Variants in CACNA2D3 observed in about 807,000 individuals in gnomAD.
CACNA2D3 encodes the protein voltage-dependent calcium channel subunit alpha-2/delta-3.
In CACNA2D3, 60 loss-of-function variants were observed where a neutral mutation model predicts 160.6. The ratio of observed to expected loss-of-function variants is 0.37; its 90% CI spans 0.30 to 0.46. The LOEUF is 0.46. Among genes scored for constraint, CACNA2D3 ranks in the 20% least tolerant of loss-of-function variants. The probability of loss-of-function intolerance (pLI) is 1.00; values close to 1 mark genes in which losing one functional copy is unlikely to be tolerated. For missense variants in CACNA2D3, 1,205 were observed against 1,365.0 expected, an observed-to-expected ratio of 0.88 and a Z score of 1.85; for synonymous variants, 558 against 492.9, an observed-to-expected ratio of 1.13 and a Z score of -1.75.
At chr3:54,575,847 A>C (rs1368563729) in intron 8 of CACNA2D3, among the ~76,000 whole-genome samples, 5 of 152,172 alleles carry the variant, frequency 3.3e-5, no homozygotes, top group Admixed American at 3.3e-4. Context: ...TGAGGAGGAA[A>C]GTGCCATTTG....
At chr3:54,549,440 C>T (rs189492338) in intron 5 of CACNA2D3, among the ~76,000 whole-genome samples, 295 of 152,248 alleles carry the variant, frequency 1.9e-3, no homozygotes, top group Non-Finnish European at 3.5e-3. Context: ...AGCGAGACTC[C>T]GTCTCAAAAA....
intron 2 of CACNA2D3, among the ~76,000 whole-genome samples, chr3:54,247,345 A>T (rs67311583): frequency 4.0e-5 from 6 of 151,406 alleles, no homozygotes; most frequent in African/African-American, 1.5e-4. Flanking sequence ...AATAAAACCA[A>T]ATCCCACTAT....
chr3:54,550,985 T>A (rs1315890259), intron 5 of CACNA2D3, among the ~76,000 whole-genome samples: 1 of 152,016 alleles, frequency 6.6e-6, no homozygotes, highest in Non-Finnish European at 1.5e-5. Context: ...CTCTAAACAC[T>A]CCCCTCCACC....
intron 11 of CACNA2D3, among the ~76,000 whole-genome samples, chr3:54,742,216 C>A (rs1425564268): frequency 6.6e-6 from 1 of 152,046 alleles, no homozygotes; most frequent in African/African-American, 2.4e-5. Flanking sequence ...CCCAGGAGTT[C>A]AAGACCAGCC....
chr3:54,761,364 G>T (rs762508471), intron 12 of CACNA2D3, among the ~76,000 whole-genome samples: 2 of 152,164 alleles, frequency 1.3e-5, no homozygotes, highest in African/African-American at 2.4e-5. Context: ...CTCTTAGCTT[G>T]TCCTCTGTGT....
At chr3:54,272,602 C>A (rs1021099353) in intron 2 of CACNA2D3, among the ~76,000 whole-genome samples, 6 of 152,160 alleles carry the variant, frequency 3.9e-5, no homozygotes, top group Non-Finnish European at 7.4e-5. Flanking sequence ...CTCCTTCCCA[C>A]AGATGCTTGT....
chr3:54,553,403 G>A (rs766576500), intron 5 of CACNA2D3, among the ~76,000 whole-genome samples: 12 of 152,152 alleles, frequency 7.9e-5, no homozygotes, highest in East Asian at 1.9e-4. Flanking sequence ...AAACTCCTGC[G>A]TGGGCTCAAT....
At chr3:54,784,560 AC>A (rs1702598374) in intron 13 of CACNA2D3, among the ~76,000 whole-genome samples, 1 of 152,070 alleles carries the variant, frequency 6.6e-6, no homozygotes, top group Non-Finnish European at 1.5e-5. Flanking sequence ...GCAAATGTTC[AC>A]CTCCAAATCA....
At chr3:54,881,095 A>G (rs1325384886) in intron 21 of CACNA2D3, among the ~76,000 whole-genome samples, 3 of 152,202 alleles carry the variant, frequency 2.0e-5, no homozygotes, top group African/African-American at 4.8e-5. Flanking sequence ...TAATTTACTT[A>G]TATTCTACTT....
chr3:54,763,848 CATATATATACAT>C lies in CACNA2D3; in HGVS notation c.1247-359_1247-348del, dbSNP rs1575463833. 1.1e-3 allele frequency among the ~76,000 whole-genome samples: 36 copies of C among 32,768 alleles called. 8 individuals are homozygous for C. The South Asian group carries it at 0.025, about 23-fold the overall frequency. The allele number at this position is 32,768 out of a possible 152,430, so 21.5% of individuals were successfully genotyped here. A position where few individuals can be genotyped will look rare whatever the true frequency, so the allele number is the denominator to read the frequency against. On this transcript the variant is annotated intron_variant, in intron 12 of 37. Transcript: ENST00000474759. ...ACGTATATATATGTATATATATGTA[CATATATATACAT>C]ATATATATACGTATATATATGTATA...
At chr3:54,465,348 A>C (rs1480457347) in intron 4 of CACNA2D3, among the ~76,000 whole-genome samples, 1 of 152,218 alleles carries the variant, frequency 6.6e-6, no homozygotes, top group African/African-American at 2.4e-5. Flanking sequence ...CTAGCAAACA[A>C]GCACATTCAC....
chr3:54,252,873 G>GC (rs1356582300), intron 2 of CACNA2D3, among the ~76,000 whole-genome samples: 1 of 126,854 alleles, frequency 7.9e-6, no homozygotes, highest in African/African-American at 3.0e-5. Flanking sequence ...GCAGGATTAA[G>GC]CCCCCCGGGA....
chr3:54,385,304 T>C (rs1316055841), intron 3 of CACNA2D3, among the ~76,000 whole-genome samples: 1 of 152,064 alleles, frequency 6.6e-6, no homozygotes, highest in African/African-American at 2.4e-5. Context: ...TGCTCTAGGG[T>C]CACCACTTTT....
chr3:54,342,391 T>C (rs1268018135), intron 3 of CACNA2D3, among the ~76,000 whole-genome samples: 1 of 152,194 alleles, frequency 6.6e-6, no homozygotes, highest in Non-Finnish European at 1.5e-5. Context: ...GATCTGAGTA[T>C]CATTCTAAAG....
At position 54,434,516 on chromosome 3, in the gene CACNA2D3, G is replaced by A. The variant is rs547662468; in HGVS notation, c.381+47742G>A. 2.0e-5 allele frequency among the ~76,000 whole-genome samples: 3 copies of A among 152,318 alleles called. No homozygotes were observed. The South Asian group carries it at 6.2e-4, about 32-fold the overall frequency. On this transcript the variant is annotated intron_variant, in intron 4 of 37. Transcript: ENST00000474759. Reference sequence around the variant, plus strand: ...GTTGTCTTGTTCAGGGCTTTTGGGTGGTCCCAGTTAACTAACCTCCCCAAG... The same window carrying A: ...GTTGTCTTGTTCAGGGCTTTTGGGTAGTCCCAGTTAACTAACCTCCCCAAG...
At position 54,827,798 on chromosome 3, in the gene CACNA2D3, A is replaced by G. The variant is rs566833607; in HGVS notation, c.1399-9361A>G. 2.0e-5 allele frequency among the ~76,000 whole-genome samples: 3 copies of G among 152,330 alleles called. No individual in the cohort carries two copies. The East Asian group carries it at 5.8e-4, about 29-fold the overall frequency. On this transcript the variant is annotated intron_variant, in intron 14 of 37. Transcript: ENST00000474759. ...GGGCCTCATTTGTGAAATAAATTAA[A>G]CGATAGTGTTGGAATAAATTCATTT... is the stretch of plus-strand genomic sequence containing the variant.
At chr3:55,021,134 G>A (rs1432860419) in intron 35 of CACNA2D3, among the ~76,000 whole-genome samples, 1 of 152,104 alleles carries the variant, frequency 6.6e-6, no homozygotes, top group Non-Finnish European at 1.5e-5. Context: ...ATTTGTATGT[G>A]TGTGTTTTTT....
intron 5 of CACNA2D3, among the ~76,000 whole-genome samples, chr3:54,553,052 A>G (rs569177201): frequency 1.1e-4 from 17 of 152,256 alleles, no homozygotes; most frequent in East Asian, 3.9e-4. Flanking sequence ...GAGTGGTTCA[A>G]CATTGGGCCA....
intron 2 of CACNA2D3, among the ~76,000 whole-genome samples, chr3:54,229,682 TC>T (rs1701736209): frequency 6.6e-6 from 1 of 152,050 alleles, no homozygotes; most frequent in African/African-American, 2.4e-5. Context: ...TGCTATTCGG[TC>T]CCCCTTTTTT....
Sources: gnomAD v4.1 joint callset for allele counts (sites outside exome capture counted in the v4.1 genomes callset) on GRCh38, gnomAD v4.1.1 for gene constraint, MANE v1.5 for transcripts, NCBI Gene and HGNC (gene_info 2026-07-23, HGNC 2026-07-21) for gene names.